Variants in CCDC149 observed in about 807,000 individuals in gnomAD.
The protein encoded by CCDC149 is coiled-coil domain containing 149.
CCDC149 carries 45 observed loss-of-function variants against 59.9 expected under a neutral mutation model. The observed-to-expected ratio is 0.75, with a 90% confidence interval of 0.59 to 0.96. The LOEUF is 0.96. Ranked by LOEUF, CCDC149 falls within the 40% of genes least tolerant of loss-of-function variation. The probability of loss-of-function intolerance (pLI) is 0.00; values close to 1 mark genes in which losing one functional copy is unlikely to be tolerated. For synonymous variants in CCDC149, 245 were observed against 260.6 expected (o/e 0.94, Z 0.58); for missense variants, 584 against 664.7 (o/e 0.88, Z 1.33).
chr4:24,905,360 T>C (rs1453089476), intron 1 of CCDC149, among the ~76,000 whole-genome samples: 1 of 152,082 alleles, frequency 6.6e-6, no homozygotes, highest in Non-Finnish European at 1.5e-5. Context: ...ATTTTTTTCT[T>C]GATAACTTAT....
chr4:24,822,819 G>A, intron 9 of CCDC149: 1 of 316,674 alleles, frequency 3.2e-6, no homozygotes, highest in Non-Finnish European at 5.8e-6. Context: ...CTCCCAAAAG[G>A]TAGTTTTCCT....
intron 1 of CCDC149, among the ~76,000 whole-genome samples, chr4:24,890,112 T>G (rs1388806279): frequency 6.6e-6 from 1 of 151,960 alleles, no homozygotes; most frequent in Non-Finnish European, 1.5e-5. Context: ...GGCTTTAGAG[T>G]GACATGATGT....
At chr4:24,956,275 G>T (rs1723463307) in intron 1 of CCDC149, among the ~76,000 whole-genome samples, 1 of 151,544 alleles carries the variant, frequency 6.6e-6, no homozygotes, top group East Asian at 1.9e-4. Flanking sequence ...CTTGCCCCAG[G>T]CCTGATAGTT....
chr4:24,821,343 A>C (rs994103201), intron 10 of CCDC149, among the ~76,000 whole-genome samples: 3 of 152,240 alleles, frequency 2.0e-5, no homozygotes, highest in Non-Finnish European at 4.4e-5. Context: ...AATTTGCCGA[A>C]CTGTGTTGAA....
intron 4 of CCDC149, among the ~76,000 whole-genome samples, chr4:24,842,110 A>G (rs1716974430): frequency 6.6e-6 from 1 of 152,230 alleles, no homozygotes. Context: ...ATCAGGGGGA[A>G]TTCTGGCTAC....
chr4:24,950,942 C>A (rs1248449597), intron 1 of CCDC149, among the ~76,000 whole-genome samples: 1 of 152,206 alleles, frequency 6.6e-6, no homozygotes, highest in African/African-American at 2.4e-5. Context: ...CCCTGTGTTC[C>A]TCAAATCTAG....
intron 3 of CCDC149, among the ~76,000 whole-genome samples, chr4:24,871,032 G>A (rs1451317085): frequency 7.6e-6 from 1 of 131,262 alleles, no homozygotes; most frequent in African/African-American, 3.0e-5. Context: ...GGGACAGAGT[G>A]AGACTCCCTC....
intron 1 of CCDC149, among the ~76,000 whole-genome samples, chr4:24,945,450 C>A (rs1723079863): frequency 6.6e-6 from 1 of 152,092 alleles, no homozygotes. Flanking sequence ...CAATGAATTG[C>A]TAGCAACTCT....
chr4:24,929,451 G>C (rs1369594086), intron 1 of CCDC149, among the ~76,000 whole-genome samples: 1 of 152,176 alleles, frequency 6.6e-6, no homozygotes, highest in Non-Finnish European at 1.5e-5. Flanking sequence ...AAGTGGAAAG[G>C]GGGCAGGGTA....
At chr4:24,879,382 T>C (rs1719688070) in intron 1 of CCDC149, among the ~76,000 whole-genome samples, 1 of 151,964 alleles carries the variant, frequency 6.6e-6, no homozygotes, top group Admixed American at 6.6e-5. Context: ...CCAGGCATGG[T>C]GGCATGTGCC....
chr4:24,814,073 T>G (rs2109093151), intron 12 of CCDC149, among the ~76,000 whole-genome samples: 1 of 152,240 alleles, frequency 6.6e-6, no homozygotes, highest in East Asian at 1.9e-4. Context: ...TTAGCCTTTT[T>G]GATGACCATA....
chr4:24,885,298 A>G (rs998492777), intron 1 of CCDC149, among the ~76,000 whole-genome samples: 20 of 152,168 alleles, frequency 1.3e-4, no homozygotes, highest in African/African-American at 4.8e-4. Flanking sequence ...TGTAAATTAT[A>G]TTGGACAGTA....
rs1028615392 is a variant in CCDC149, at chr4:24,816,231, G to T, written c.1192+3628C>A. On this transcript the variant is annotated intron_variant, in intron 12 of 12. Transcript: ENST00000635206. ...GCCTTCCGAGTATCTGGGACTACAG[G>T]CATGTGCCACCATGTGCAGCTAATG... Among the ~76,000 whole-genome samples the T allele has an allele frequency of 1.3e-5, 2 of 152,056 alleles. 1 individual carries two copies. Among genetic ancestry groups the T allele is most frequent in the East Asian group, 3.9e-4 (2 of 5,186 alleles).
At chr4:24,976,313 C>T (rs536427731) in intron 1 of CCDC149, among the ~76,000 whole-genome samples, 2 of 152,278 alleles carry the variant, frequency 1.3e-5, no homozygotes, top group South Asian at 4.1e-4. Flanking sequence ...CTGCAGGTAT[C>T]CTCCTTGCTT....
chr4:24,924,518 C>G (rs1722382444), intron 1 of CCDC149, among the ~76,000 whole-genome samples: 1 of 152,200 alleles, frequency 6.6e-6, no homozygotes, highest in Non-Finnish European at 1.5e-5. Context: ...CTGGACTTAT[C>G]TGAAGGCTCA....
chr4:24,902,564 C>A (rs1197479381), intron 1 of CCDC149, among the ~76,000 whole-genome samples: 1 of 152,198 alleles, frequency 6.6e-6, no homozygotes, highest in Non-Finnish European at 1.5e-5. Context: ...TTCTCATGAT[C>A]TCCCTTGCTG....
chr4:24,806,677 A>T lies in CCDC149; in HGVS notation c.*1712T>A, dbSNP rs1714196861. ...TGCGGGAGCAACCTCCCTTGAGGAGAAGTTGTGGGGGTGGGCCTGGTGGGG... is the reference window on the plus strand; with the variant it reads ...TGCGGGAGCAACCTCCCTTGAGGAGTAGTTGTGGGGGTGGGCCTGGTGGGG... On this transcript the variant is annotated 3_prime_UTR_variant, in exon 13 of 13. Coordinates refer to ENST00000635206, the MANE Select transcript of CCDC149 (RefSeq NM_001330643.2). 2 of 152,698 alleles carry T rather than the reference A, an allele frequency of 1.3e-5. No homozygotes were observed. The highest frequency in any genetic ancestry group is 2.4e-5 in the African/African-American group (1 of 41,392). 9.5% of individuals were successfully genotyped at this position (152,698 alleles called of 1,614,324 possible).
chr4:24,934,684 A>C (rs962448007), intron 1 of CCDC149, among the ~76,000 whole-genome samples: 2 of 152,202 alleles, frequency 1.3e-5, no homozygotes, highest in African/African-American at 4.8e-5. Context: ...TTGAACAGGC[A>C]CCTGAATGAA....
At chr4:24,949,115 C>G (rs1201776959) in intron 1 of CCDC149, among the ~76,000 whole-genome samples, 1 of 152,176 alleles carries the variant, frequency 6.6e-6, no homozygotes, top group Admixed American at 6.5e-5. Context: ...AGGGTAGCAA[C>G]GGCTGTTGTT....
Sources: gnomAD v4.1 joint callset for allele counts (sites outside exome capture counted in the v4.1 genomes callset) on GRCh38, gnomAD v4.1.1 for gene constraint, MANE v1.5 for transcripts, NCBI Gene and HGNC (gene_info 2026-07-23, HGNC 2026-07-21) for gene names.